CNGB1: variants seen among roughly 807,000 people sequenced by gnomAD.
CNGB1 encodes cyclic nucleotide-gated channel beta-1.
Under a neutral mutation model 151.7 loss-of-function variants are expected in CNGB1, and 126 were observed. The observed-to-expected ratio is 0.83, with a 90% CI of 0.72 to 0.96. The LOEUF (loss-of-function observed/expected upper bound fraction) is 0.96. Ranked by LOEUF, CNGB1 falls within the 40% of genes least tolerant of loss-of-function variation. CNGB1 has a pLI of 0.00. For missense variants in CNGB1, 1,698 were observed against 1,627.0 expected (o/e 1.04, Z -0.75); for synonymous variants, 623 against 635.1 (o/e 0.98, Z 0.29).
chr16:57,951,102 TG>T (rs2149382084), intron 12 of CNGB1, among the ~76,000 whole-genome samples: 2 of 152,288 alleles, frequency 1.3e-5, no homozygotes, highest in South Asian at 4.2e-4. Flanking sequence ...ATCTTTCTCA[TG>T]GGGGTGGTCC....
At position 57,907,148 on chromosome 16, in the gene CNGB1, C is replaced by T. The variant is rs550260822; in HGVS notation, c.2493-2273G>A. On this transcript the variant is annotated intron_variant, in intron 25 of 32. Transcript: ENST00000251102. ...GTGCCCTTCCCACTGCTGGGCAGCT[C>T]GAGCTCCTCCCGCAGAGGGCCCTGC... Among the ~76,000 whole-genome samples, 21 of 152,238 alleles carry T rather than the reference C, an allele frequency of 1.4e-4. No individual in the cohort carries two copies. In the South Asian group the frequency reaches 4.1e-3, roughly 30 times the overall value.
chr16:57,885,251 G>A (rs373158253), intron 32 of CNGB1, among the ~76,000 whole-genome samples: 75 of 152,322 alleles, frequency 4.9e-4, no homozygotes, highest in African/African-American at 1.8e-3. Context: ...CATGTGAAGT[G>A]GTGTTTGTGA....
intron 21 of CNGB1, 108 bp from the exon 22 acceptor site, chr16:57,916,287 C>A: frequency 1.9e-6 from 2 of 1,076,220 alleles, no homozygotes; most frequent in Non-Finnish European, 2.9e-6. Flanking sequence ...ACGAGCATAA[C>A]AGCCCAAGGA....
At chr16:57,959,803 A>C in intron 10 of CNGB1, 85 bp downstream of exon 10, 3 of 1,400,604 alleles carry the variant, frequency 2.1e-6, no homozygotes, top group Non-Finnish European at 2.8e-6. Context: ...ATTTTCTTCC[A>C]GGTTTCCAGG....
intron 29 of CNGB1, among the ~76,000 whole-genome samples, chr16:57,898,305 G>C (rs1960289978): frequency 6.6e-6 from 1 of 152,172 alleles, no homozygotes; most frequent in South Asian, 2.1e-4. Context: ...GTCTACACCT[G>C]GCACATCTCA....
chr16:57,909,112 T>C (rs1432240103), intron 25 of CNGB1, among the ~76,000 whole-genome samples: 19 of 152,132 alleles, frequency 1.2e-4, no homozygotes, highest in African/African-American at 3.9e-4. Context: ...ATCCAAAAAA[T>C]ACAAAATTAG....
intron 10 of CNGB1, among the ~76,000 whole-genome samples, chr16:57,959,160 T>C (rs1293142805): frequency 6.6e-6 from 1 of 152,152 alleles, no homozygotes; most frequent in Non-Finnish European, 1.5e-5. Context: ...GCACGGGTTA[T>C]TGACTGTGGC....
chr16:57,912,716 T>C (rs1054652672), intron 24 of CNGB1, among the ~76,000 whole-genome samples: 4 of 151,220 alleles, frequency 2.6e-5, no homozygotes, highest in South Asian at 2.1e-4. Flanking sequence ...GTTGTGCACG[T>C]ATGTATGTGT....
At position 57,888,028 on chromosome 16, in the gene CNGB1, G is replaced by A. The variant is rs757504870; in HGVS notation, c.3289C>T (p.Leu1097=). Residue 1097 remains leucine (L), a synonymous_variant, in exon 32 of 33, where the codon CTG becomes TTG. Transcript: ENST00000251102. ...NNKPKEEKSV[L]ILPPRAGTPK... is the part of the protein sequence containing the mutation. ...GTGCCCGCCCGGGGTGGAAGGATCA[G>A]CACGCTCTTCTCCTCCTTGGGCTTA... is the stretch of plus-strand genomic sequence containing the variant. 6 of 1,614,130 alleles carry A rather than the reference G, an allele frequency of 3.7e-6. No homozygotes were observed. The Admixed American group carries it at 5.0e-5, about 13-fold the overall frequency.
At chr16:57,904,612 G>T in intron 26 of CNGB1, 122 bp downstream of exon 26, 2 of 1,388,542 alleles carry the variant, frequency 1.4e-6, no homozygotes, top group Non-Finnish European at 2.0e-6. Flanking sequence ...CTGACTCTCA[G>T]TCTAGTGCCC....
intron 25 of CNGB1, among the ~76,000 whole-genome samples, chr16:57,911,358 G>C (rs1233061495): frequency 6.6e-6 from 1 of 152,110 alleles, no homozygotes; most frequent in Admixed American, 6.5e-5. Flanking sequence ...GCACGATCTC[G>C]GCTCATTGCA....
chr16:57,970,723 TG>T (rs969010115), intron 1 of CNGB1, among the ~76,000 whole-genome samples: 6 of 152,186 alleles, frequency 3.9e-5, no homozygotes, highest in Admixed American at 2.0e-4. Context: ...CCCTGCTGAC[TG>T]CACTTTGATG....
At chr16:57,906,785 C>T (rs567725418) in intron 25 of CNGB1, among the ~76,000 whole-genome samples, 2 of 152,212 alleles carry the variant, frequency 1.3e-5, no homozygotes, top group South Asian at 4.1e-4. Context: ...ACCCCAAACC[C>T]TTCCTAGCTG....
intron 12 of CNGB1, among the ~76,000 whole-genome samples, chr16:57,951,285 G>C (rs1961943468): frequency 6.6e-6 from 1 of 152,144 alleles, no homozygotes; most frequent in African/African-American, 2.4e-5. Flanking sequence ...GACAATGCCT[G>C]AATACTAGGT....
chr16:57,955,696 G>A (rs577090975), intron 12 of CNGB1, among the ~76,000 whole-genome samples: 2 of 152,142 alleles, frequency 1.3e-5, no homozygotes, highest in African/African-American at 4.8e-5. Flanking sequence ...TTTAAAGAAC[G>A]GAGAGGGAGG....
At chr16:57,887,026 CA>C (rs1959949914) in intron 32 of CNGB1, among the ~76,000 whole-genome samples, 1 of 152,014 alleles carries the variant, frequency 6.6e-6, no homozygotes, top group African/African-American at 2.4e-5. Flanking sequence ...AGGCATGTGC[CA>C]CTAAGCCTGG....
At chr16:57,942,721 G>A (rs1299047631) in intron 14 of CNGB1, among the ~76,000 whole-genome samples, 1 of 151,930 alleles carries the variant, frequency 6.6e-6, no homozygotes, top group Admixed American at 6.6e-5. Flanking sequence ...AAACTAGCTG[G>A]GTGTGGTGGC....
Position 57,906,468 on chromosome 16 carries a change from G to T in CNGB1, c.2493-1593C>A, listed in dbSNP as rs142582368. ...GTGCAATGCGTGCAGGAAGGAGGAA[G>T]CAGAGGTTGCTGGGGAGTGTGGTAG... On this transcript the variant is annotated intron_variant, in intron 25 of 32. Coordinates refer to ENST00000251102, the MANE Select transcript of CNGB1 (RefSeq NM_001297.5). 2.6e-3 allele frequency among the ~76,000 whole-genome samples: 394 copies of T among 152,326 alleles called. 3 individuals carry two copies. The highest frequency in any genetic ancestry group is 4.8e-3 in the Admixed American group (73 of 15,300).
chr16:57,904,411 C>G (rs1017125044), intron 26 of CNGB1, among the ~76,000 whole-genome samples: 42 of 152,286 alleles, frequency 2.8e-4, no homozygotes, highest in African/African-American at 1.0e-3. Context: ...CCTCATGTCT[C>G]GACCAGAATG....
Sources: gnomAD v4.1 joint callset for allele counts (sites outside exome capture counted in the v4.1 genomes callset) on GRCh38, gnomAD v4.1.1 for gene constraint, MANE v1.5 for transcripts, NCBI Gene and HGNC (gene_info 2026-07-23, HGNC 2026-07-21) for gene names.